RBMS1: variants seen among roughly 807,000 people sequenced by gnomAD.
RBMS1 encodes RNA binding motif single stranded interacting protein 1, also known as RNA-binding motif, single-stranded-interacting protein 1.
RBMS1 carries 17 observed loss-of-function variants against 62.3 expected under a neutral mutation model. The observed-to-expected ratio is 0.27, with a 90% confidence interval of 0.19 to 0.41. The LOEUF (loss-of-function observed/expected upper bound fraction) is 0.41. Among genes scored for constraint, RBMS1 ranks in the 10% least tolerant of loss-of-function variants. The pLI, the probability that RBMS1 is intolerant of heterozygous loss-of-function variation, is 1.00. For missense variants in RBMS1, 334 were observed against 504.5 expected (o/e 0.66, Z 3.24); for synonymous variants, 172 against 170.0 (o/e 1.01, Z -0.09).
intron 2 of RBMS1, among the ~76,000 whole-genome samples, chr2:160,330,935 G>A (rs868780929): frequency 1.3e-5 from 2 of 152,166 alleles, no homozygotes; most frequent in East Asian, 1.9e-4. Flanking sequence ...GTCCTCATAA[G>A]AGGGAGATGT....
chr2:160,379,221 TA>T (rs74962367), intron 1 of RBMS1, among the ~76,000 whole-genome samples: 35,084 of 142,874 alleles, frequency 0.25, 4,947 homozygotes, highest in East Asian at 0.53. Flanking sequence ...GAACCTGTCT[TA>T]AAAAAAAAAA....
At chr2:160,276,498 C>G (rs985978476) in intron 12 of RBMS1, 12 of 152,564 alleles carry the variant, frequency 7.9e-5, no homozygotes, top group African/African-American at 2.9e-4. Context: ...GCAAGATCAA[C>G]TGGATTGATA....
intron 1 of RBMS1, among the ~76,000 whole-genome samples, chr2:160,380,337 A>G (rs563130477): frequency 6.6e-6 from 1 of 152,122 alleles, no homozygotes; most frequent in Non-Finnish European, 1.5e-5. Context: ...AACAGACTAG[A>G]GCCCAAACAT....
chr2:160,355,672 G>C (rs1692758129), intron 2 of RBMS1, among the ~76,000 whole-genome samples: 1 of 152,012 alleles, frequency 6.6e-6, no homozygotes, highest in African/African-American at 2.4e-5. Context: ...AGACAGGGCA[G>C]GTAGGCAAGC....
intron 1 of RBMS1, among the ~76,000 whole-genome samples, chr2:160,421,138 T>TGAA (rs1329686777): frequency 1.3e-5 from 2 of 151,690 alleles, no homozygotes; most frequent in Non-Finnish European, 2.9e-5. Flanking sequence ...TAACTTATTC[T>TGAA]TTTTTCTTTT....
At chr2:160,462,656 A>G (rs932405760) in intron 1 of RBMS1, among the ~76,000 whole-genome samples, 3 of 152,100 alleles carry the variant, frequency 2.0e-5, no homozygotes, top group African/African-American at 7.2e-5. Context: ...TCACCCAGGC[A>G]GGAGTGCAAT....
chr2:160,324,886 A>ATATATATATATATATATATATATG (rs1690813414), intron 2 of RBMS1, among the ~76,000 whole-genome samples: 3 of 75,894 alleles, frequency 4.0e-5, no homozygotes, highest in African/African-American at 1.5e-4. Context: ...GTGTGTGTAT[A>ATATATATATATATATATATATATG]TATATATATA....
At chr2:160,393,914 G>T (rs1194408574) in intron 1 of RBMS1, among the ~76,000 whole-genome samples, 1 of 152,174 alleles carries the variant, frequency 6.6e-6, no homozygotes, top group African/African-American at 2.4e-5. Context: ...TCTAAAATAA[G>T]TACTGGGAAA....
At chr2:160,280,605 T>C (rs760589993) in intron 10 of RBMS1, among the ~76,000 whole-genome samples, 2 of 152,204 alleles carry the variant, frequency 1.3e-5, no homozygotes, top group Non-Finnish European at 2.9e-5. Context: ...AGGATTCCCA[T>C]TTTGCATCAG....
At chr2:160,403,636 T>C (rs554087802) in intron 1 of RBMS1, among the ~76,000 whole-genome samples, 2 of 152,196 alleles carry the variant, frequency 1.3e-5, no homozygotes, top group African/African-American at 4.8e-5. Flanking sequence ...AGTACAACTA[T>C]TGGAGGGCAA....
At chr2:160,397,465 G>A (rs1179606625) in intron 1 of RBMS1, among the ~76,000 whole-genome samples, 2 of 151,938 alleles carry the variant, frequency 1.3e-5, no homozygotes, top group Non-Finnish European at 2.9e-5. Context: ...TTTCATAAAA[G>A]TAAGCCCTAT....
intron 1 of RBMS1, among the ~76,000 whole-genome samples, chr2:160,369,148 C>T (rs140103599): frequency 1.3e-5 from 2 of 152,162 alleles, no homozygotes; most frequent in African/African-American, 4.8e-5. Flanking sequence ...CTGGGAACAT[C>T]GGTATTGCTT....
chr2:160,336,382 G>GT (rs1559402160), intron 2 of RBMS1, among the ~76,000 whole-genome samples: 1 of 152,136 alleles, frequency 6.6e-6, no homozygotes, highest in Admixed American at 6.5e-5. Flanking sequence ...GTATGGCCTT[G>GT]TTTTTTAGCG....
chr2:160,372,065 G>A (rs1299133859), intron 1 of RBMS1, among the ~76,000 whole-genome samples: 1 of 152,108 alleles, frequency 6.6e-6, no homozygotes, highest in Non-Finnish European at 1.5e-5. Context: ...ATGCAGCAAA[G>A]ATAATTTTAA....
At chr2:160,286,303 C>CTGT (rs1559321374) in intron 7 of RBMS1, among the ~76,000 whole-genome samples, 1 of 122,464 alleles carries the variant, frequency 8.2e-6, no homozygotes, top group South Asian at 2.8e-4. Flanking sequence ...TTCTTCCTTT[C>CTGT]TTTTTTTTTT....
At chr2:160,337,138 T>TC (rs1691621681) in intron 2 of RBMS1, among the ~76,000 whole-genome samples, 1 of 149,180 alleles carries the variant, frequency 6.7e-6, no homozygotes, top group Non-Finnish European at 1.5e-5. Flanking sequence ...TTCTTTTCTT[T>TC]TTTTTTTTTT....
chr2:160,477,604 G>A (rs532246447), intron 1 of RBMS1, among the ~76,000 whole-genome samples: 6 of 152,030 alleles, frequency 3.9e-5, no homozygotes, highest in African/African-American at 1.2e-4. Flanking sequence ...CTTAGAGAAC[G>A]TGGGTAAACT....
chr2:160,437,174 G>A (rs564951326), intron 1 of RBMS1, among the ~76,000 whole-genome samples: 2 of 152,232 alleles, frequency 1.3e-5, no homozygotes, highest in African/African-American at 2.4e-5. Context: ...CCCAAAGGCC[G>A]CCATCCCAGA....
chr2:160,321,205 A>G (rs1690541506), intron 2 of RBMS1, among the ~76,000 whole-genome samples: 1 of 152,128 alleles, frequency 6.6e-6, no homozygotes, highest in African/African-American at 2.4e-5. Flanking sequence ...AAGCCATGCC[A>G]CACCCTCTCT....
Sources: allele counts gnomAD v4.1 joint callset (sites outside exome capture counted in the v4.1 genomes callset), GRCh38; gene constraint gnomAD v4.1.1; transcripts MANE v1.5; gene names NCBI Gene and HGNC (gene_info 2026-07-23, HGNC 2026-07-21).